The following SH3BGRL2 variants were observed in gnomAD, a reference collection of about 807,000 sequenced individuals.
SH3BGRL2 encodes the protein SH3 domain-binding glutamic acid-rich-like protein 2.
A neutral mutation model predicts 14.8 loss-of-function variants in SH3BGRL2; 21 were observed. The observed-to-expected ratio is 1.42, with a 90% confidence interval of 1.01 to 2.05. The LOEUF (loss-of-function observed/expected upper bound fraction) is 2.05, where lower values mean the gene tolerates loss of function less well. Among genes scored for constraint, SH3BGRL2 ranks in the 30% most tolerant of loss-of-function variants. The pLI is 0.00. For synonymous variants in SH3BGRL2, 50 were observed against 47.8 expected (o/e 1.05, Z -0.19); for missense variants, 147 against 130.8 (o/e 1.12, Z -0.61).
the SH3BGRL2 span, among the ~76,000 whole-genome samples, chr6:79,606,194 A>T: frequency 6.6e-6 from 1 of 152,136 alleles, no homozygotes; most frequent in Non-Finnish European, 1.5e-5. Flanking sequence ...ATTGCAAGGC[A>T]TCCAGCAAGA....
chr6:79,612,318 T>C, the SH3BGRL2 span, among the ~76,000 whole-genome samples: 5 of 151,708 alleles, frequency 3.3e-5, no homozygotes, highest in Non-Finnish European at 5.9e-5. Flanking sequence ...AAAACAAAAA[T>C]CAAAAAACCT....
chr6:79,662,129 C>T (rs1051551591), intron 1 of SH3BGRL2, among the ~76,000 whole-genome samples: 2 of 152,116 alleles, frequency 1.3e-5, no homozygotes, highest in Non-Finnish European at 2.9e-5. Context: ...TTAATTGGTG[C>T]ATTTAGCCCA....
chr6:79,672,891 G>C (rs1208321196), intron 1 of SH3BGRL2, among the ~76,000 whole-genome samples: 4 of 152,142 alleles, frequency 2.6e-5, no homozygotes, highest in African/African-American at 9.7e-5. Context: ...AGAGTTCAAA[G>C]TAAGATGATA....
the SH3BGRL2 span, among the ~76,000 whole-genome samples, chr6:79,553,967 CAAA>C: frequency 1.6e-5 from 2 of 126,762 alleles, no homozygotes; most frequent in Non-Finnish European, 1.7e-5. Flanking sequence ...GACTCTGTCT[CAAA>C]AAAAAAAAAA....
the SH3BGRL2 span, among the ~76,000 whole-genome samples, chr6:79,539,058 C>CA: frequency 3.9e-5 from 6 of 151,974 alleles, no homozygotes; most frequent in African/African-American, 1.5e-4. Context: ...TGGGAGAATC[C>CA]AAAAAATTGT....
At chr6:79,561,794 C>G in the SH3BGRL2 span, among the ~76,000 whole-genome samples, 1 of 152,082 alleles carries the variant, frequency 6.6e-6, no homozygotes, top group African/African-American at 2.4e-5. Flanking sequence ...AGTGGATCAC[C>G]TATGGAAACT....
chr6:79,662,327 G>T (rs1261073036), intron 1 of SH3BGRL2, among the ~76,000 whole-genome samples: 1 of 152,178 alleles, frequency 6.6e-6, no homozygotes, highest in Non-Finnish European at 1.5e-5. Flanking sequence ...AGGAGCTCTT[G>T]TAAGGCGGAC....
chr6:79,682,906 T>C (rs1770015231), intron 2 of SH3BGRL2, among the ~76,000 whole-genome samples: 1 of 152,186 alleles, frequency 6.6e-6, no homozygotes, highest in East Asian at 1.9e-4. Flanking sequence ...TGCAGGGACA[T>C]GGATGAAGCT....
chr6:79,600,712 T>C, the SH3BGRL2 span, among the ~76,000 whole-genome samples: 68 of 152,214 alleles, frequency 4.5e-4, no homozygotes, highest in Non-Finnish European at 9.0e-4. Context: ...CCTCTCATTT[T>C]CATTCCTGTC....
rs747680454 is a variant in SH3BGRL2, at chr6:79,696,473, C to CT, written c.232-5dup. ...TTTTGTTGGTTTATTTTCTGCTTCC[C>CT]TTTTTTTCTAGGATTATGACAGTTT... On this transcript the variant is annotated splice_polypyrimidine_tract_variant and intron_variant, in intron 2 of 3. Coordinates refer to ENST00000369838, the MANE Select transcript of SH3BGRL2 (RefSeq NM_031469.4). 10 of 1,561,040 alleles carry CT rather than the reference C, an allele frequency of 6.4e-6. No homozygotes were observed. The highest frequency in any genetic ancestry group is 4.3e-5 in the Admixed American group (2 of 46,028).
At chr6:79,559,600 C>G in the SH3BGRL2 span, among the ~76,000 whole-genome samples, 2 of 152,146 alleles carry the variant, frequency 1.3e-5, no homozygotes, top group Non-Finnish European at 2.9e-5. Flanking sequence ...AGATCCTTTA[C>G]TGGAGGAAAC....
the SH3BGRL2 span, among the ~76,000 whole-genome samples, chr6:79,555,944 C>G: frequency 6.6e-6 from 1 of 152,112 alleles, no homozygotes; most frequent in East Asian, 1.9e-4. Context: ...AAGTAAACTT[C>G]CCAAATCAAA....
the SH3BGRL2 span, among the ~76,000 whole-genome samples, chr6:79,567,465 A>G: frequency 2.6e-5 from 4 of 152,338 alleles, no homozygotes; most frequent in East Asian, 7.7e-4. Context: ...AAATATACCA[A>G]TGAAACAAAA....
At position 79,673,809 on chromosome 6, in the gene SH3BGRL2, T is replaced by C. The variant is rs771105590; in HGVS notation, c.231+10T>C. ...CGACCGATACTGTGGAGTAAGTGGC[T>C]AGACTGTTATCATGCTGTTTCTTTT... On this transcript the variant is annotated intron_variant, in intron 2 of 3. Coordinates refer to ENST00000369838, the MANE Select transcript of SH3BGRL2 (RefSeq NM_031469.4). 3.7e-6 allele frequency: 6 copies of C among 1,610,084 alleles called. No homozygotes were observed. In the South Asian group the frequency reaches 4.4e-5, roughly 12 times the overall value.
At chr6:79,619,660 AC>A in the SH3BGRL2 span, among the ~76,000 whole-genome samples, 1 of 151,806 alleles carries the variant, frequency 6.6e-6, no homozygotes. Flanking sequence ...GATAAGCAGG[AC>A]CCCCATTGCT....
chr6:79,570,386 T>A, the SH3BGRL2 span, among the ~76,000 whole-genome samples: 20 of 152,208 alleles, frequency 1.3e-4, no homozygotes, highest in Non-Finnish European at 2.2e-4. Context: ...CATTTTGCAT[T>A]ACTCACTGCT....
At position 79,631,371 on chromosome 6, in the gene SH3BGRL2, G is replaced by A. The variant is rs1768819340; in HGVS notation, c.-91G>A. On this transcript the variant is annotated 5_prime_UTR_variant, in exon 1 of 4. Coordinates refer to ENST00000369838, the MANE Select transcript of SH3BGRL2 (RefSeq NM_031469.4). ...CCCGACGGCAGCGCTTTACCCAGAG[G>A]CTGCCGGCGGCTCGTAGCTGGGTTC... is the stretch of plus-strand genomic sequence containing the variant. The A allele has an allele frequency of 4.1e-6, 5 of 1,215,002 alleles. No homozygotes were observed. Among genetic ancestry groups the A allele is most frequent in the Non-Finnish European group, 4.4e-6 (4 of 912,660 alleles). 75.3% of individuals were successfully genotyped at this position (1,215,002 alleles called of 1,614,324 possible). A position where few individuals can be genotyped will look rare whatever the true frequency, so the allele number is the denominator to read the frequency against.
chr6:79,562,789 G>GT, the SH3BGRL2 span, among the ~76,000 whole-genome samples: 17 of 152,146 alleles, frequency 1.1e-4, no homozygotes, highest in Admixed American at 5.2e-4. Context: ...TAGCTGATAA[G>GT]TTTTTTTAAA....
chr6:79,690,695 C>A (rs1410372506), intron 2 of SH3BGRL2, among the ~76,000 whole-genome samples: 2 of 152,140 alleles, frequency 1.3e-5, no homozygotes, highest in African/African-American at 2.4e-5. Flanking sequence ...ACATATACAC[C>A]ACTCAGTTTT....
Sources: gnomAD v4.1 joint callset for allele counts (sites outside exome capture counted in the v4.1 genomes callset) on GRCh38, gnomAD v4.1.1 for gene constraint, MANE v1.5 for transcripts, NCBI Gene and HGNC (gene_info 2026-07-23, HGNC 2026-07-21) for gene names.